Variants in PDE4B observed in about 807,000 individuals in gnomAD.
PDE4B encodes phosphodiesterase 4B.
PDE4B carries 20 observed loss-of-function variants against 82.2 expected under a neutral mutation model. The observed-to-expected ratio is 0.24, with a 90% CI of 0.17 to 0.35. The LOEUF is 0.35. Among genes scored for constraint, PDE4B ranks in the 10% least tolerant of loss-of-function variants. The probability of loss-of-function intolerance (pLI) is 1.00; values close to 1 mark genes in which losing one functional copy is unlikely to be tolerated. For missense variants in PDE4B, 655 were observed against 907.2 expected, an observed-to-expected ratio of 0.72 and a Z score of 3.57; for synonymous variants, 320 against 318.9, an observed-to-expected ratio of 1.00 and a Z score of -0.04.
chr1:66,246,771 T>A (rs1417777033), intron 3 of PDE4B, among the ~76,000 whole-genome samples: 2 of 152,220 alleles, frequency 1.3e-5, no homozygotes, highest in African/African-American at 4.8e-5. Flanking sequence ...GACACTCCTC[T>A]GTGGGAGCCA....
chr1:66,256,329 C>G (rs1654223788), intron 4 of PDE4B, among the ~76,000 whole-genome samples: 1 of 152,266 alleles, frequency 6.6e-6, no homozygotes, highest in South Asian at 2.1e-4. Context: ...CTCTGTGGAT[C>G]GATGTCATTT....
At chr1:66,136,998 T>C (rs1227835078) in intron 3 of PDE4B, among the ~76,000 whole-genome samples, 1 of 152,206 alleles carries the variant, frequency 6.6e-6, no homozygotes, top group Non-Finnish European at 1.5e-5. Context: ...GATCAATTGC[T>C]ATCCTTGCAA....
chr1:66,172,888 G>A (rs184065107), intron 3 of PDE4B, among the ~76,000 whole-genome samples: 1 of 152,242 alleles, frequency 6.6e-6, no homozygotes, highest in Non-Finnish European at 1.5e-5. Flanking sequence ...CCATTGAAAT[G>A]GTTGATTCAC....
At chr1:66,293,247 A>G (rs192317366) in intron 7 of PDE4B, among the ~76,000 whole-genome samples, 1 of 152,296 alleles carries the variant, frequency 6.6e-6, no homozygotes, top group Non-Finnish European at 1.5e-5. Flanking sequence ...CCTCACGTGC[A>G]GCAGTCATTT....
At chr1:66,322,662 C>T (rs1659486024) in intron 7 of PDE4B, among the ~76,000 whole-genome samples, 2 of 151,876 alleles carry the variant, frequency 1.3e-5, no homozygotes, top group South Asian at 4.1e-4. Context: ...GGAAACAACA[C>T]ATGCTGGAGA....
intron 7 of PDE4B, among the ~76,000 whole-genome samples, chr1:66,275,911 G>A (rs1263216958): frequency 6.6e-6 from 1 of 152,136 alleles, no homozygotes; most frequent in East Asian, 1.9e-4. Context: ...GCGACCCCTT[G>A]GAGTTTTCTG....
At chr1:65,930,522 C>T (rs1184451258) in intron 3 of PDE4B, among the ~76,000 whole-genome samples, 1 of 152,204 alleles carries the variant, frequency 6.6e-6, no homozygotes. Context: ...CGGAGCTGCC[C>T]AAGGCCTTGG....
At chr1:66,307,890 A>G (rs1045014533) in intron 7 of PDE4B, among the ~76,000 whole-genome samples, 31 of 152,128 alleles carry the variant, frequency 2.0e-4, no homozygotes, top group African/African-American at 7.2e-4. Context: ...TTGCTGAATG[A>G]AGGAGTTAAG....
At chr1:66,193,535 A>C (rs1648006023) in intron 3 of PDE4B, among the ~76,000 whole-genome samples, 2 of 152,158 alleles carry the variant, frequency 1.3e-5, no homozygotes, top group Non-Finnish European at 2.9e-5. Context: ...CTTCAGGGAA[A>C]TGTTATCATC....
intron 1 of PDE4B, among the ~76,000 whole-genome samples, chr1:65,815,388 G>T (rs1227883422): frequency 3.3e-5 from 5 of 152,138 alleles, no homozygotes; most frequent in Non-Finnish European, 5.9e-5. Flanking sequence ...TCAAATGGTA[G>T]TTCAGTTTGG....
intron 7 of PDE4B, among the ~76,000 whole-genome samples, chr1:66,292,819 C>A (rs1237484804): frequency 6.6e-6 from 1 of 152,202 alleles, no homozygotes; most frequent in Non-Finnish European, 1.5e-5. Flanking sequence ...CTCCCTAAGA[C>A]ACTAATTCTA....
At chr1:66,325,632 T>C (rs1424273572) in intron 7 of PDE4B, among the ~76,000 whole-genome samples, 1 of 152,190 alleles carries the variant, frequency 6.6e-6, no homozygotes, top group Non-Finnish European at 1.5e-5. Context: ...AAGACAAATG[T>C]CAAGAATGCA....
chr1:66,121,813 C>G (rs1645714622), intron 3 of PDE4B, among the ~76,000 whole-genome samples: 1 of 152,192 alleles, frequency 6.6e-6, no homozygotes, highest in African/African-American at 2.4e-5. Flanking sequence ...GAATTATGCT[C>G]AACAACTTAT....
At chr1:66,307,829 A>G (rs1161199839) in intron 7 of PDE4B, among the ~76,000 whole-genome samples, 1 of 152,010 alleles carries the variant, frequency 6.6e-6, no homozygotes, top group Non-Finnish European at 1.5e-5. Flanking sequence ...TGTTGATGGA[A>G]TTAATGTTAG....
chr1:65,817,376 G>A (rs6675119), intron 1 of PDE4B, among the ~76,000 whole-genome samples: 112,994 of 152,022 alleles, frequency 0.74, 42,859 homozygotes, highest in Non-Finnish European at 0.81. Flanking sequence ...ATTGAAATTT[G>A]AAAATGAAAG....
At chr1:66,134,318 G>A (rs752467029) in intron 3 of PDE4B, among the ~76,000 whole-genome samples, 4 of 152,198 alleles carry the variant, frequency 2.6e-5, no homozygotes, top group Admixed American at 6.5e-5. Context: ...ATAATTGAAT[G>A]CACTAAGATA....
intron 1 of PDE4B, among the ~76,000 whole-genome samples, chr1:65,909,039 T>C (rs969269616): frequency 4.6e-5 from 7 of 152,212 alleles, no homozygotes; most frequent in Admixed American, 2.0e-4. Context: ...ATTAAAACAG[T>C]TATACGATGG....
Position 65,885,854 on chromosome 1 carries a change from G to GTAT in PDE4B, c.-70-27390_-70-27388dup, listed in dbSNP as rs1004183010. ...GTGCACATGTACCCTAAAACTTAACGTATAATAATAATAATAATAATAATA... is the reference window on the plus strand; with the variant it reads ...GTGCACATGTACCCTAAAACTTAACGTATTATAATAATAATAATAATAATAATA... On this transcript the variant is annotated intron_variant, in intron 1 of 16. Coordinates refer to ENST00000341517, the MANE Select transcript of PDE4B (RefSeq NM_002600.4). Among the ~76,000 whole-genome samples, 33 of 136,174 alleles carry GTAT rather than the reference G, an allele frequency of 2.4e-4. No individual in the cohort carries two copies. The South Asian group carries it at 6.3e-3, about 26-fold the overall frequency. The allele number at this position is 136,174 out of a possible 152,430, so 89.3% of individuals were successfully genotyped here.
At chr1:66,162,668 A>G (rs958944334) in intron 3 of PDE4B, among the ~76,000 whole-genome samples, 1 of 152,140 alleles carries the variant, frequency 6.6e-6, no homozygotes, top group Non-Finnish European at 1.5e-5. Flanking sequence ...TAAAAATCTG[A>G]AGCTCAAAAT....
Sources: allele counts gnomAD v4.1 joint callset (sites outside exome capture counted in the v4.1 genomes callset), GRCh38; gene constraint gnomAD v4.1.1; transcripts MANE v1.5; gene names NCBI Gene and HGNC (gene_info 2026-07-23, HGNC 2026-07-21).